RELN: variants seen among roughly 807,000 people sequenced by gnomAD.
The protein encoded by RELN is reelin.
RELN carries 108 observed loss-of-function variants against 427.6 expected under a neutral mutation model. That is an observed-to-expected ratio of 0.25 (90% CI 0.22 to 0.30). RELN has a LOEUF of 0.30. Ranked by LOEUF, RELN falls within the 10% of genes least tolerant of loss-of-function variation. The pLI is 1.00. For synonymous variants in RELN, 1,524 were observed against 1,513.4 expected (o/e 1.01, Z -0.16); for missense variants, 3,715 against 4,302.8 (o/e 0.86, Z 3.82).
intron 4 of RELN, among the ~76,000 whole-genome samples, chr7:103,762,258 C>T (rs77505944): frequency 0.016 from 2,510 of 152,250 alleles, 80 homozygotes; most frequent in African/African-American, 0.056. Flanking sequence ...GATTTGGAAG[C>T]TACTTGCTGT....
At chr7:103,756,513 G>A (rs1430902990) in intron 4 of RELN, among the ~76,000 whole-genome samples, 2 of 152,104 alleles carry the variant, frequency 1.3e-5, no homozygotes, top group African/African-American at 4.8e-5. Flanking sequence ...GCCAAAGCTG[G>A]TAATAGTGTC....
chr7:103,849,781 A>C (rs13233546), intron 2 of RELN, among the ~76,000 whole-genome samples: 21,330 of 152,206 alleles, frequency 0.14, 1,829 homozygotes, highest in South Asian at 0.33. Context: ...GTAAAACACA[A>C]AGAATATGCA....
rs1484839614 is a variant in RELN, at chr7:103,640,266, A to G, written c.2069+277T>C. 1.3e-5 allele frequency among the ~76,000 whole-genome samples: 2 copies of G among 152,198 alleles called. No homozygotes were observed. The highest frequency in any genetic ancestry group is 6.5e-5 in the Admixed American group (1 of 15,274). ...AGTTTATGGAAAAGGATGTAACTACAGGCAGGAAAGGCAGCCATCAAGCTG... is the reference window on the plus strand; with the variant it reads ...AGTTTATGGAAAAGGATGTAACTACGGGCAGGAAAGGCAGCCATCAAGCTG... On this transcript the variant is annotated intron_variant, in intron 17 of 64. Coordinates refer to ENST00000428762, the MANE Select transcript of RELN (RefSeq NM_005045.4). This position sits in a 1 kb window ranked among gnomAD's most constrained non-coding sequence, Gnocchi z 4.1.
At chr7:103,501,970 T>C (rs2117036334) in intron 52 of RELN, among the ~76,000 whole-genome samples, 1 of 152,328 alleles carries the variant, frequency 6.6e-6, no homozygotes, top group African/African-American at 2.4e-5. Flanking sequence ...TGCCATCTCA[T>C]GTTCAATAGC....
At chr7:103,860,190 A>T (rs894641434) in intron 2 of RELN, among the ~76,000 whole-genome samples, 1 of 152,218 alleles carries the variant, frequency 6.6e-6, no homozygotes, top group African/African-American at 2.4e-5. Context: ...ACAAAACAAA[A>T]ATCCAAAATA....
intron 6 of RELN, among the ~76,000 whole-genome samples, chr7:103,730,337 C>T (rs941247342): frequency 6.6e-6 from 1 of 151,960 alleles, no homozygotes; most frequent in Non-Finnish European, 1.5e-5. Context: ...CCCCTCCTTC[C>T]ATAGTTTCGC....
Position 103,665,709 on chromosome 7 carries a change from A to G in RELN, c.1290-4182T>C, listed in dbSNP as rs574280929. ...GGTATAGGTTTATTTTATTTATTCTATGGAAACTTGGTGTACCTTGTCAGT... is the reference window on the plus strand; with the variant it reads ...GGTATAGGTTTATTTTATTTATTCTGTGGAAACTTGGTGTACCTTGTCAGT... On this transcript the variant is annotated intron_variant, in intron 11 of 64. Transcript: ENST00000428762. Among the ~76,000 whole-genome samples, 6 of 152,174 alleles carry G rather than the reference A, an allele frequency of 3.9e-5. No individual in the cohort carries two copies. In the South Asian group the frequency reaches 1.2e-3, roughly 32 times the overall value.
intron 19 of RELN, among the ~76,000 whole-genome samples, chr7:103,631,080 AT>A (rs1832453106): frequency 6.6e-6 from 1 of 151,746 alleles, no homozygotes; most frequent in East Asian, 1.9e-4. Context: ...ATTTAGAAAA[AT>A]AATTACCTAT....
chr7:103,548,473 G>T (rs10266689), intron 41 of RELN, among the ~76,000 whole-genome samples: 2,244 of 152,318 alleles, frequency 0.015, 37 homozygotes, highest in East Asian at 0.059. Flanking sequence ...GTTTTAAGAA[G>T]AGTGCTAATT....
In RELN at chr7:103,561,699, C is replaced by T. The variant is rs1830645301; in HGVS notation, c.5362G>A (p.Gly1788Ser). ...GGAACACAATAGGGTCCACCAAAGC[C>T]CCGGTCACACCTAAGAAAGAGAGGG... The part of the protein sequence containing the change: ...CDAGRCVCDR[G>S]FGGPYCVPVV... Residue 1788 changes from glycine (G) to serine (S), a missense_variant, in exon 36 of 65, where the codon GGC becomes AGC. By Grantham distance (56) the Gly-to-Ser change is moderately conservative. Around this residue, in one of 4 missense-constraint regions of RELN, gnomAD observed 2,208 missense variants for 2,361.7 expected, o/e 0.93. Coordinates refer to ENST00000428762, the MANE Select transcript of RELN (RefSeq NM_005045.4). The T allele has an allele frequency of 6.2e-7, 1 of 1,613,934 alleles. No individual in the cohort carries two copies. Among genetic ancestry groups the T allele is most frequent in the Non-Finnish European group, 8.5e-7 (1 of 1,179,954 alleles).
Position 103,561,911 on chromosome 7 carries a change from A to T in RELN, c.5253T>A (p.Thr1751=). The change falls in exon 35 of 65, where the codon ACT becomes ACA. Residue 1751 remains threonine (T), a synonymous_variant. Transcript: ENST00000428762. Reference sequence around the variant, plus strand: ...CAATCGCCCAGGAATCAGCCCCCACAGTGTAGTTGGCCTGAATCCATCTGA... The same window carrying T: ...CAATCGCCCAGGAATCAGCCCCCACTGTGTAGTTGGCCTGAATCCATCTGA... The part of the protein sequence containing the change: ...TRFRWIQANY[T]VGADSWAIDN... 1.3e-6 allele frequency: 2 copies of T among 1,548,782 alleles called. No homozygotes were observed. Among genetic ancestry groups the T allele is most frequent in the South Asian group, 2.2e-5 (2 of 90,092 alleles).
intron 3 of RELN, among the ~76,000 whole-genome samples, chr7:103,828,564 T>C (rs1793198556): frequency 6.7e-6 from 1 of 148,986 alleles, no homozygotes; most frequent in African/African-American, 2.5e-5. Context: ...TCCATTTTAA[T>C]CCTAATATTA....
intron 1 of RELN, among the ~76,000 whole-genome samples, chr7:103,933,543 A>AAGGC (rs983795945): frequency 2.0e-5 from 3 of 151,760 alleles, no homozygotes; most frequent in African/African-American, 4.8e-5. Context: ...GGAGGGAAGG[A>AAGGC]AGGCAGGCAG....
intron 25 of RELN, 132 bp from the exon 26 acceptor site, chr7:103,594,624 C>T (rs1831496540): frequency 6.4e-6 from 6 of 939,862 alleles, no homozygotes; most frequent in Middle Eastern, 3.3e-4. Flanking sequence ...TCCAAAAGCC[C>T]GTAAGTTTGG....
Position 103,553,550 on chromosome 7 carries a change from C to G in RELN, c.5983G>C (p.Ala1995Pro). The change falls in exon 40 of 65, where the codon GCT becomes CCT. Residue 1995 changes from alanine (A) to proline (P), a missense_variant. By Grantham distance (27) the Ala-to-Pro change is conservative. This residue lies in a region of RELN where 1,310 missense variants were observed against 1,643.0 expected (regional missense o/e 0.80). Transcript: ENST00000428762. ...SSKGAPEEDS[A>P]MVFVSNEVGE... ...ACTTCATTTGAAACAAACACCATAG[C>G]TGAATCTTCTTCACTGTTACACAGG... The G allele has an allele frequency of 6.2e-7, 1 of 1,614,050 alleles. No homozygotes were observed. Among genetic ancestry groups the G allele is most frequent in the Non-Finnish European group, 8.5e-7 (1 of 1,179,956 alleles).
chr7:103,888,184 G>C (rs533685735), intron 2 of RELN, among the ~76,000 whole-genome samples: 1 of 151,672 alleles, frequency 6.6e-6, no homozygotes, highest in Non-Finnish European at 1.5e-5. Flanking sequence ...AAAATTTCCT[G>C]GTCTCCCAAA....
rs76110142 is a variant in RELN at position 103,615,643 on chromosome 7, T to G, written c.2703-3840A>C. Among the ~76,000 whole-genome samples the G allele has an allele frequency of 3.3e-3, 499 of 152,240 alleles. 7 individuals are homozygous for G. The highest frequency in any genetic ancestry group is 0.012 in the African/African-American group (479 of 41,540). On this transcript the variant is annotated intron_variant, in intron 20 of 64. Transcript: ENST00000428762. The stretch of plus-strand genomic sequence containing the variant: ...GAGAAGGAAAATAGAGAAGCTGAGT[T>G]GCTAGCCTCAGGGTCACACAGTTAC...
intron 10 of RELN, among the ~76,000 whole-genome samples, chr7:103,688,327 T>C (rs993259772): frequency 1.3e-5 from 2 of 152,128 alleles, no homozygotes; most frequent in African/African-American, 4.8e-5. Context: ...AAAGTGATAA[T>C]GCAAAGCACA....
chr7:103,958,248 C>T (rs993323948), intron 1 of RELN, among the ~76,000 whole-genome samples: 1 of 152,166 alleles, frequency 6.6e-6, no homozygotes, highest in Non-Finnish European at 1.5e-5. Context: ...TCTTCTGTCA[C>T]AAAAAAGACC....
Sources: gnomAD v4.1 joint callset for allele counts (sites outside exome capture counted in the v4.1 genomes callset) on GRCh38, gnomAD v4.1.1 for gene constraint, gnomAD v4.1.1 regional missense constraint, Gnocchi (gnomAD v3.1) non-coding constraint, MANE v1.5 for transcripts, NCBI Gene and HGNC (gene_info 2026-07-23, HGNC 2026-07-21) for gene names.